RAPGEF2: variants seen among roughly 807,000 people sequenced by gnomAD.
The protein encoded by RAPGEF2 is PDZ domain containing guanine nucleotide exchange factor (GEF) 1.
In RAPGEF2, 54 loss-of-function variants were observed where a neutral mutation model predicts 186.7. The observed-to-expected ratio is 0.29, with a 90% CI of 0.23 to 0.36. The LOEUF (loss-of-function observed/expected upper bound fraction) is 0.36. Among genes scored for constraint, RAPGEF2 ranks in the 10% least tolerant of loss-of-function variants. The pLI is 1.00. For missense variants in RAPGEF2, 1,532 were observed against 2,045.0 expected, an observed-to-expected ratio of 0.75 and a Z score of 4.84; for synonymous variants, 712 against 705.9, an observed-to-expected ratio of 1.01 and a Z score of -0.14.
At chr4:159,232,916 T>TC (rs2111443404) in intron 4 of RAPGEF2, among the ~76,000 whole-genome samples, 1 of 152,294 alleles carries the variant, frequency 6.6e-6, no homozygotes, top group East Asian at 1.9e-4. Flanking sequence ...CTCTAATGAC[T>TC]CAAGATGCTG....
At chr4:159,129,150 A>T (rs779126190) in intron 1 of RAPGEF2, among the ~76,000 whole-genome samples, 9 of 151,960 alleles carry the variant, frequency 5.9e-5, no homozygotes, top group Admixed American at 2.0e-4. Context: ...AAGAATAAGA[A>T]TCTTGAATAG....
rs183169501 is a variant in RAPGEF2 at position 159,275,452 on chromosome 4, A to G, written c.544-28890A>G. Among the ~76,000 whole-genome samples the G allele has an allele frequency of 4.0e-3, 615 of 152,284 alleles. 2 individuals are homozygous for G. Among genetic ancestry groups the G allele is most frequent in the Non-Finnish European group, 7.6e-3 (519 of 67,994 alleles). On this transcript the variant is annotated intron_variant, in intron 7 of 29. Coordinates refer to ENST00000691494, the MANE Select transcript of RAPGEF2 (RefSeq NM_001394067.2). ...TAATATTGACTTGGTTTGATTATTA[A>G]ATGAAACATACCCTCCTTTCCCCTT...
chr4:159,318,975 T>C (rs1429256368), intron 9 of RAPGEF2, among the ~76,000 whole-genome samples: 4 of 152,218 alleles, frequency 2.6e-5, no homozygotes, highest in Non-Finnish European at 4.4e-5. Flanking sequence ...AGTGTATAAT[T>C]CTATAGATTG....
At chr4:159,125,035 A>ATT (rs755621950) in intron 1 of RAPGEF2, among the ~76,000 whole-genome samples, 16 of 140,466 alleles carry the variant, frequency 1.1e-4, no homozygotes, top group Admixed American at 1.4e-4. Context: ...AGGTTTTTCT[A>ATT]TTTTTTTTTT....
intron 3 of RAPGEF2, among the ~76,000 whole-genome samples, chr4:159,204,169 G>A (rs909762627): frequency 6.6e-6 from 1 of 152,226 alleles, no homozygotes; most frequent in African/African-American, 2.4e-5. Context: ...ATTGTAGTTG[G>A]AAGAAGATGC....
intron 1 of RAPGEF2, among the ~76,000 whole-genome samples, chr4:159,145,599 C>T (rs145210035): frequency 2.5e-3 from 381 of 152,308 alleles, no homozygotes; most frequent in African/African-American, 8.7e-3. Flanking sequence ...TCTTTTCTTA[C>T]CAGCTCTTCA....
In RAPGEF2 at chr4:159,252,278, G is replaced by A. The variant is rs182051103; in HGVS notation, c.543+8487G>A. The stretch of plus-strand genomic sequence containing the variant: ...TTGCCCAGGCTGAGTTTGAACTCCT[G>A]AGCTCAAGCGATTTGCCTGCCTTGG... On this transcript the variant is annotated intron_variant, in intron 7 of 29. Coordinates refer to ENST00000691494, the MANE Select transcript of RAPGEF2 (RefSeq NM_001394067.2). 1.5e-3 allele frequency among the ~76,000 whole-genome samples: 226 copies of A among 152,266 alleles called. 2 individuals are homozygous for A. Among genetic ancestry groups the A allele is most frequent in the Admixed American group, 2.9e-3 (45 of 15,298 alleles).
chr4:159,251,174 G>A (rs1755322075), intron 7 of RAPGEF2, among the ~76,000 whole-genome samples: 2 of 152,214 alleles, frequency 1.3e-5, no homozygotes, highest in African/African-American at 4.8e-5. Flanking sequence ...CTCCCCATGG[G>A]GCAGGGCTCG....
chr4:159,106,526 T>G (rs528624612), intron 1 of RAPGEF2, among the ~76,000 whole-genome samples: 3 of 152,306 alleles, frequency 2.0e-5, no homozygotes, highest in Admixed American at 2.0e-4. Context: ...AGTTCGAATT[T>G]TATAATATTA....
chr4:159,181,136 T>G (rs1305061821), intron 1 of RAPGEF2, among the ~76,000 whole-genome samples: 1 of 152,110 alleles, frequency 6.6e-6, no homozygotes, highest in Non-Finnish European at 1.5e-5. Context: ...AGCAACAGAT[T>G]AATAAAGTGC....
chr4:159,131,198 C>T (rs1741031529), intron 1 of RAPGEF2, among the ~76,000 whole-genome samples: 1 of 152,104 alleles, frequency 6.6e-6, no homozygotes, highest in Non-Finnish European at 1.5e-5. Context: ...GCAACCTCCG[C>T]CTCCTAGGTT....
chr4:159,197,230 T>A (rs1748737677), intron 3 of RAPGEF2, among the ~76,000 whole-genome samples: 1 of 152,244 alleles, frequency 6.6e-6, no homozygotes, highest in Non-Finnish European at 1.5e-5. Context: ...GGGAATTTGT[T>A]CTCTGGAAAA....
Position 159,266,552 on chromosome 4 carries a change from T to A in RAPGEF2, c.543+22761T>A, listed in dbSNP as rs1477015550. 2.0e-5 allele frequency among the ~76,000 whole-genome samples: 3 copies of A among 152,208 alleles called. No homozygotes were observed. The East Asian group carries it at 5.8e-4, about 29-fold the overall frequency. On this transcript the variant is annotated intron_variant, in intron 7 of 29. Coordinates refer to ENST00000691494, the MANE Select transcript of RAPGEF2 (RefSeq NM_001394067.2). ...GTATCCGCATTTTATTTCAACTCTC[T>A]ACCTCTGAAGTTTGGTTTGGTTTTT... is the stretch of plus-strand genomic sequence containing the variant.
At chr4:159,317,469 T>G (rs1444750286) in intron 9 of RAPGEF2, among the ~76,000 whole-genome samples, 1 of 152,102 alleles carries the variant, frequency 6.6e-6, no homozygotes, top group Non-Finnish European at 1.5e-5. Context: ...AAGAGTAAAG[T>G]AGAGGCTGGG....
intron 7 of RAPGEF2, among the ~76,000 whole-genome samples, chr4:159,260,395 A>G (rs569371936): frequency 1.2e-4 from 18 of 152,194 alleles, no homozygotes; most frequent in African/African-American, 4.1e-4. Flanking sequence ...CTTATCCCCA[A>G]ACAGTTTTGT....
At chr4:159,261,541 T>C (rs960936915) in intron 7 of RAPGEF2, among the ~76,000 whole-genome samples, 1 of 152,206 alleles carries the variant, frequency 6.6e-6, no homozygotes, top group Non-Finnish European at 1.5e-5. Flanking sequence ...ATATTCCATT[T>C]TTATATAACT....
chr4:159,315,769 A>G (rs1156443250), intron 9 of RAPGEF2, among the ~76,000 whole-genome samples: 1 of 152,222 alleles, frequency 6.6e-6, no homozygotes, highest in African/African-American at 2.4e-5. Flanking sequence ...TTATTTCTGC[A>G]TATCAGAGAC....
At chr4:159,285,530 G>A (rs770781731) in intron 7 of RAPGEF2, among the ~76,000 whole-genome samples, 14 of 152,164 alleles carry the variant, frequency 9.2e-5, no homozygotes, top group Non-Finnish European at 1.6e-4. Context: ...AGGTTTCTAT[G>A]TTTGGAGGAA....
intron 25 of RAPGEF2, among the ~76,000 whole-genome samples, chr4:159,348,505 C>G (rs1228452819): frequency 6.6e-6 from 1 of 152,092 alleles, no homozygotes; most frequent in Non-Finnish European, 1.5e-5. Context: ...AACACCTTTC[C>G]TAGGTACATT....
Sources: allele counts gnomAD v4.1 joint callset (sites outside exome capture counted in the v4.1 genomes callset), GRCh38; gene constraint gnomAD v4.1.1; transcripts MANE v1.5; gene names NCBI Gene and HGNC (gene_info 2026-07-23, HGNC 2026-07-21).